Variants in CRISP1 observed in about 807,000 individuals in gnomAD.
The protein encoded by CRISP1 is cysteine-rich secretory protein 1.
Under a neutral mutation model 33.1 loss-of-function variants are expected in CRISP1, and 44 were observed. The ratio of observed to expected loss-of-function variants is 1.33; its 90% confidence interval spans 1.05 to 1.71. The LOEUF is 1.71. Ranked by LOEUF, CRISP1 falls within the 40% of genes most tolerant of loss-of-function variation. CRISP1 has a pLI of 0.00. For synonymous variants in CRISP1, 103 were observed against 98.7 expected (o/e 1.04, Z -0.26); for missense variants, 390 against 301.2 (o/e 1.29, Z -2.18).
upstream of CRISP1, among the ~76,000 whole-genome samples, chr6:49,869,923 G>T (rs1771884561): frequency 6.6e-6 from 1 of 152,176 alleles, no homozygotes; most frequent in African/African-American, 2.4e-5. Context: ...TGAAGGGAGT[G>T]CCTGTGCCGT....
At chr6:49,835,470 A>G in intron 7 of CRISP1, 27 bp from the exon 8 acceptor site, 1 of 1,604,594 alleles carries the variant, frequency 6.2e-7, no homozygotes, top group Non-Finnish European at 8.5e-7. Context: ...TGGTTTTACA[A>G]CACAGTCTTT....
At chr6:49,853,446 G>A (rs963544782) in intron 2 of CRISP1, among the ~76,000 whole-genome samples, 2 of 152,042 alleles carry the variant, frequency 1.3e-5, no homozygotes, top group African/African-American at 4.8e-5. Flanking sequence ...ACATCCACAT[G>A]GATGAATCCA....
chr6:49,868,388 G>A (rs28581913), upstream of CRISP1, among the ~76,000 whole-genome samples: 1 of 152,070 alleles, frequency 6.6e-6, no homozygotes, highest in East Asian at 1.9e-4. Flanking sequence ...TAACATGATA[G>A]AATATTTCTA....
In CRISP1 at chr6:49,866,244, T is replaced by A. The variant is rs780593668; in HGVS notation, c.-3+185A>T. 1.3e-4 allele frequency among the ~76,000 whole-genome samples: 20 copies of A among 152,310 alleles called. No individual in the cohort carries two copies. In the South Asian group the frequency reaches 1.4e-3, roughly 11 times the overall value. ...GTAATATTACTTTATATTTGGATAG[T>A]ATATCAGCTTATAAACACCTTTATT... On this transcript the variant is annotated intron_variant, in intron 1 of 7. Coordinates refer to ENST00000335847, the MANE Select transcript of CRISP1 (RefSeq NM_001131.3).
intron 1 of CRISP1, among the ~76,000 whole-genome samples, chr6:49,859,902 G>A (rs986561698): frequency 2.6e-5 from 4 of 151,998 alleles, no homozygotes; most frequent in African/African-American, 4.8e-5. Flanking sequence ...TAGACTGAAA[G>A]CAAAGGGATA....
chr6:49,855,091 C>CT (rs1771456869), intron 2 of CRISP1, among the ~76,000 whole-genome samples: 1 of 152,072 alleles, frequency 6.6e-6, no homozygotes, highest in African/African-American at 2.4e-5. Flanking sequence ...AATACTCTTT[C>CT]TTTTGGTGTA....
intron 4 of CRISP1, among the ~76,000 whole-genome samples, chr6:49,847,085 G>T (rs1771200072): frequency 6.6e-6 from 1 of 152,086 alleles, no homozygotes; most frequent in Non-Finnish European, 1.5e-5. Context: ...GTGGGCTTTT[G>T]GTTGAACATG....
At chr6:49,872,959 G>C (rs1394082297) in intron 1 of CRISP1, among the ~76,000 whole-genome samples, 1 of 151,994 alleles carries the variant, frequency 6.6e-6, no homozygotes, top group Non-Finnish European at 1.5e-5. Flanking sequence ...TAGCTTGATG[G>C]GGATGGCATT....
At chr6:49,875,479 T>A (rs892834788) in intron 1 of CRISP1, among the ~76,000 whole-genome samples, 3 of 152,132 alleles carry the variant, frequency 2.0e-5, no homozygotes, top group Admixed American at 6.6e-5. Context: ...CTCCCCAAAG[T>A]AATTTATAGA....
intron 1 of CRISP1, among the ~76,000 whole-genome samples, chr6:49,864,328 A>T (rs1771738600): frequency 6.6e-6 from 1 of 151,440 alleles, no homozygotes; most frequent in Non-Finnish European, 1.5e-5. Context: ...AACTATTATA[A>T]ATAAAACTAT....
At position 49,835,138 on chromosome 6, in the gene CRISP1, A is replaced by G. The variant is rs9473671; in HGVS notation, c.*178T>C. The G allele has an allele frequency of 1.8e-6, 1 of 557,378 alleles. No homozygotes were observed. The highest frequency in any genetic ancestry group is 3.0e-6 in the Non-Finnish European group (1 of 329,172). 34.5% of individuals were successfully genotyped at this position (557,378 alleles called of 1,614,324 possible). A position where few individuals can be genotyped will look rare whatever the true frequency, so the allele number is the denominator to read the frequency against. ...GTTGGACTTGACCTTTTACTCCAGC[A>G]CTAAGAAAGTTTAAAACAGTGTTAC... On this transcript the variant is annotated 3_prime_UTR_variant, in exon 8 of 8. Coordinates refer to ENST00000335847, the MANE Select transcript of CRISP1 (RefSeq NM_001131.3).
chr6:49,873,002 T>A (rs1771961407), intron 1 of CRISP1, among the ~76,000 whole-genome samples: 1 of 152,032 alleles, frequency 6.6e-6, no homozygotes, highest in Non-Finnish European at 1.5e-5. Flanking sequence ...AGTATGGCCA[T>A]TTTCATGATA....
intron 7 of CRISP1, 45 bp downstream of exon 7, chr6:49,838,392 G>A (rs1324651045): frequency 7.3e-7 from 1 of 1,372,990 alleles, no homozygotes; most frequent in Non-Finnish European, 1.0e-6. Flanking sequence ...ATGGTTCCCA[G>A]ATCAATGGGT....
chr6:49,866,318 G>A (rs1305665442), intron 1 of CRISP1, 111 bp downstream of exon 1: 1 of 152,098 alleles, frequency 6.6e-6, no homozygotes. Context: ...AATAGCATTA[G>A]AATAAAACTT....
intron 1 of CRISP1, among the ~76,000 whole-genome samples, chr6:49,863,075 A>T (rs115120150): frequency 1.3e-3 from 194 of 152,236 alleles, no homozygotes; most frequent in African/African-American, 4.3e-3. Flanking sequence ...AGCCGAAGGG[A>T]TGGAAAACTG....
intron 5 of CRISP1, among the ~76,000 whole-genome samples, chr6:49,845,219 C>T (rs12196205): frequency 0.097 from 14,723 of 152,170 alleles, 992 homozygotes; most frequent in Non-Finnish European, 0.15. Flanking sequence ...TGTGTCCTTA[C>T]ATGAACAGAT....
upstream of CRISP1, among the ~76,000 whole-genome samples, chr6:49,869,410 G>C (rs957076183): frequency 2.0e-5 from 3 of 152,088 alleles, no homozygotes; most frequent in Admixed American, 2.0e-4. Context: ...TTATGACATA[G>C]AGTGAGAAGT....
chr6:49,849,582 A>T (rs997396790), intron 3 of CRISP1, among the ~76,000 whole-genome samples: 6 of 152,154 alleles, frequency 3.9e-5, no homozygotes, highest in Admixed American at 6.6e-5. Context: ...ACATCCATTT[A>T]AAAGAATACC....
rs148416621 is a variant in CRISP1 at position 49,858,849 on chromosome 6, G to A, written c.-2-1447C>T. Reference sequence around the variant, plus strand: ...AGAAAGATAGCTGACTAGGCATCTGGCACTTGCCTTCTCCACAAAGAAGAA... The same window carrying A: ...AGAAAGATAGCTGACTAGGCATCTGACACTTGCCTTCTCCACAAAGAAGAA... On this transcript the variant is annotated intron_variant, in intron 1 of 7. Transcript: ENST00000335847. Among the ~76,000 whole-genome samples the A allele has an allele frequency of 3.2e-3, 483 of 152,116 alleles. 3 individuals carry two copies. Among genetic ancestry groups the A allele is most frequent in the African/African-American group, 0.011 (453 of 41,520 alleles).
Sources: allele counts gnomAD v4.1 joint callset (sites outside exome capture counted in the v4.1 genomes callset), GRCh38; gene constraint gnomAD v4.1.1; transcripts MANE v1.5; gene names NCBI Gene and HGNC (gene_info 2026-07-23, HGNC 2026-07-21).